The following TEX9 variants were observed in gnomAD, a reference collection of about 807,000 sequenced individuals.
The protein encoded by TEX9 is testis-expressed protein 9.
Under a neutral mutation model 59.6 loss-of-function variants are expected in TEX9, and 74 were observed. The ratio of observed to expected loss-of-function variants is 1.24; its 90% CI spans 1.03 to 1.51. The LOEUF is 1.51. Ranked by LOEUF, TEX9 falls within the 40% of genes most tolerant of loss-of-function variation. The pLI is 0.00. For missense variants in TEX9, 522 were observed against 447.8 expected, an observed-to-expected ratio of 1.17 and a Z score of -1.49; for synonymous variants, 186 against 152.2, an observed-to-expected ratio of 1.22 and a Z score of -1.64.
intron 1 of TEX9, among the ~76,000 whole-genome samples, chr15:56,312,434 T>C (rs1394703534): frequency 4.1e-5 from 6 of 146,104 alleles, no homozygotes; most frequent in Middle Eastern, 7.2e-3. Flanking sequence ...TTCTCAGGTT[T>C]GTCAAAGATC....
intron 3 of TEX9, among the ~76,000 whole-genome samples, chr15:56,377,988 T>G (rs1187576771): frequency 6.6e-6 from 1 of 152,212 alleles, no homozygotes; most frequent in Non-Finnish European, 1.5e-5. Context: ...ATATGGTTTT[T>G]GTCCTTCATT....
intron 3 of TEX9, among the ~76,000 whole-genome samples, chr15:56,382,961 C>G (rs111571009): frequency 1.0e-3 from 159 of 152,244 alleles, no homozygotes; most frequent in African/African-American, 3.7e-3. Context: ...TAGGATTTGC[C>G]TAGAAAATGG....
intron 7 of TEX9, chr15:56,393,543 T>A (rs1168688373): frequency 6.6e-6 from 1 of 152,208 alleles, no homozygotes; most frequent in African/African-American, 2.4e-5. Context: ...ACTGAATGAC[T>A]TATGAGTGAG....
At chr15:56,249,029 A>G (rs778790394) in intron 1 of TEX9, 10 of 152,142 alleles carry the variant, frequency 6.6e-5, no homozygotes, top group African/African-American at 9.7e-5. Context: ...GTAGTAAAAT[A>G]TTGTTCTCAT....
At chr15:56,339,935 C>T (rs71476790) in intron 1 of TEX9, among the ~76,000 whole-genome samples, 2,372 of 152,108 alleles carry the variant, frequency 0.016, 24 homozygotes, top group Non-Finnish European at 0.024. Flanking sequence ...CAATTCATTT[C>T]TGTTGTTTAT....
intron 12 of TEX9, chr15:56,434,098 T>G: frequency 6.3e-7 from 1 of 1,588,340 alleles, no homozygotes; most frequent in South Asian, 1.2e-5. Context: ...TATTGCTGTT[T>G]AATGATAATG....
intron 1 of TEX9, among the ~76,000 whole-genome samples, chr15:56,357,608 C>A (rs2046708264): frequency 6.6e-6 from 1 of 152,084 alleles, no homozygotes; most frequent in South Asian, 2.1e-4. Context: ...TACTGTTTAA[C>A]CATTCTCTGT....
intron 9 of TEX9, 165 bp downstream of exon 9, chr15:56,394,999 A>C: frequency 1.5e-6 from 1 of 686,950 alleles, no homozygotes; most frequent in Non-Finnish European, 2.4e-6. Context: ...ATTGAGATGT[A>C]ATTCACCCTT....
chr15:56,390,626 G>A (rs62022122), intron 6 of TEX9, among the ~76,000 whole-genome samples: 52,017 of 151,890 alleles, frequency 0.34, 10,421 homozygotes, highest in Non-Finnish European at 0.45. Context: ...GATTTTGTCT[G>A]TCTTCTCCTT....
At chr15:56,288,267 G>A (rs1374682781) in intron 1 of TEX9, among the ~76,000 whole-genome samples, 1 of 150,724 alleles carries the variant, frequency 6.6e-6, no homozygotes, top group Non-Finnish European at 1.5e-5. Context: ...GCATTTCTTT[G>A]GTGATTTTTT....
rs868304076 is a variant in TEX9 at position 56,272,942 on chromosome 15, T to A, written c.-107+28664T>A. Among the ~76,000 whole-genome samples, 292 of 145,938 alleles carry A rather than the reference T, an allele frequency of 2.0e-3. 3 individuals carry two copies. In the East Asian group the frequency reaches 0.034, roughly 17 times the overall value. ...TATTTATTTATTTATTTATTTATTTTTTTTGTTGTTGTTGTTGTTGTTGAG... is the reference window on the plus strand; with the variant it reads ...TATTTATTTATTTATTTATTTATTTATTTTGTTGTTGTTGTTGTTGTTGAG... On this transcript the variant is annotated intron_variant, in intron 1 of 5. Coordinates refer to the TEX9 transcript ENST00000560827.
intron 1 of TEX9, among the ~76,000 whole-genome samples, chr15:56,332,477 G>A (rs1487472707): frequency 1.4e-5 from 2 of 138,012 alleles, no homozygotes; most frequent in Admixed American, 7.5e-5. Flanking sequence ...CGTGGGGTGG[G>A]GGGAGGGGGG....
At chr15:56,346,179 G>A (rs377411603) in intron 1 of TEX9, among the ~76,000 whole-genome samples, 1 of 152,130 alleles carries the variant, frequency 6.6e-6, no homozygotes, top group African/African-American at 2.4e-5. Context: ...GCTCTCAATC[G>A]GCAAGAAGAA....
intron 1 of TEX9, among the ~76,000 whole-genome samples, chr15:56,290,293 C>A (rs1460984423): frequency 6.6e-6 from 1 of 152,082 alleles, no homozygotes; most frequent in African/African-American, 2.4e-5. Flanking sequence ...TGTTCATTAC[C>A]TCAGTGGCAA....
chr15:56,429,158 AAGC>A, intron 12 of TEX9: 1 of 1,602,336 alleles, frequency 6.2e-7, no homozygotes, highest in African/African-American at 1.3e-5. Context: ...ACTCTTCACC[AAGC>A]AGATCAATAT....
chr15:56,248,296 A>G (rs566420861), intron 1 of TEX9, among the ~76,000 whole-genome samples: 1 of 152,352 alleles, frequency 6.6e-6, no homozygotes, highest in East Asian at 1.9e-4. Flanking sequence ...GTATGCTGTG[A>G]AAATGTGAAT....
intron 1 of TEX9, among the ~76,000 whole-genome samples, chr15:56,281,315 G>A (rs192332829): frequency 5.9e-5 from 9 of 152,336 alleles, no homozygotes; most frequent in Admixed American, 2.0e-4. Flanking sequence ...GGCTGCAGAC[G>A]GGTACTGATC....
chr15:56,391,130 T>C, intron 6 of TEX9, 113 bp from the exon 7 acceptor site: 1 of 543,266 alleles, frequency 1.8e-6, no homozygotes, highest in South Asian at 7.0e-5. Flanking sequence ...AATTTAAATT[T>C]ATAATAATTT....
chr15:56,300,708 G>GAGAGAGAGAGAGAGAGGGTGAGAGA (rs2045331855), intron 1 of TEX9, among the ~76,000 whole-genome samples: 1 of 102,670 alleles, frequency 9.7e-6, no homozygotes, highest in South Asian at 3.6e-4. Context: ...AGAGAGAGAG[G>GAGAGAGAGAGAGAGAGGGTGAGAGA]GAGAGAGAGA....
Sources: allele counts gnomAD v4.1 joint callset (sites outside exome capture counted in the v4.1 genomes callset), GRCh38; gene constraint gnomAD v4.1.1; transcripts MANE v1.5; gene names NCBI Gene and HGNC (gene_info 2026-07-23, HGNC 2026-07-21).